Variants in PRDM5 observed in about 807,000 individuals in gnomAD.
The protein encoded by PRDM5 is PR domain zinc finger protein 5.
A neutral mutation model predicts 81.2 loss-of-function variants in PRDM5; 56 were observed. The observed-to-expected ratio is 0.69, with a 90% confidence interval of 0.56 to 0.86. PRDM5 has a LOEUF of 0.86. PRDM5 is among the 40% of genes least tolerant of loss of function. The pLI, the probability that PRDM5 is intolerant of heterozygous loss-of-function variation, is 0.00. For synonymous variants in PRDM5, 267 were observed against 256.4 expected, an observed-to-expected ratio of 1.04 and a Z score of -0.39; for missense variants, 697 against 770.1, an observed-to-expected ratio of 0.91 and a Z score of 1.12.
intron 10 of PRDM5, among the ~76,000 whole-genome samples, 195 bp downstream of exon 10, chr4:120,798,072 T>A (rs1185473672): frequency 6.6e-6 from 1 of 152,132 alleles, no homozygotes; most frequent in Non-Finnish European, 1.5e-5. Context: ...GGCACTCTGC[T>A]TATAAGGACA....
At chr4:120,764,342 T>A (rs2149188190) in intron 13 of PRDM5, among the ~76,000 whole-genome samples, 1 of 152,330 alleles carries the variant, frequency 6.6e-6, no homozygotes. Context: ...GTTCATAGCA[T>A]TATATTCCAG....
chr4:120,719,271 A>G (rs1483906408), intron 14 of PRDM5, among the ~76,000 whole-genome samples: 1 of 152,248 alleles, frequency 6.6e-6, no homozygotes, highest in Non-Finnish European at 1.5e-5. Context: ...CACTATAGAC[A>G]GTGCTTCTCA....
rs183629785 is a variant in PRDM5, at chr4:120,899,619, G to A, written c.177+7855C>T. Among the ~76,000 whole-genome samples, 13 of 152,268 alleles carry A rather than the reference G, an allele frequency of 8.5e-5. No homozygotes were observed. The East Asian group carries it at 2.3e-3, about 27-fold the overall frequency. On this transcript the variant is annotated intron_variant, in intron 2 of 15. Transcript: ENST00000264808. ...ACTCAGAACACTTCTACTACCACAT[G>A]TGGTAGGGTTTCCCCCATCACACAC... is the stretch of plus-strand genomic sequence containing the variant.
At chr4:120,685,980 T>G (rs1042037400) in intron 1 of PRDM5, among the ~76,000 whole-genome samples, 1 of 152,072 alleles carries the variant, frequency 6.6e-6, no homozygotes, top group Non-Finnish European at 1.5e-5. Context: ...ATCCCCTTAG[T>G]GTTCTCCTTG....
chr4:120,910,470 G>A (rs191270384), intron 1 of PRDM5, among the ~76,000 whole-genome samples: 1 of 152,236 alleles, frequency 6.6e-6, no homozygotes, highest in African/African-American at 2.4e-5. Context: ...GTTCACTGTT[G>A]TCTCTATCAT....
chr4:120,917,497 C>T (rs1384869963), intron 1 of PRDM5, among the ~76,000 whole-genome samples: 1 of 151,584 alleles, frequency 6.6e-6, no homozygotes, highest in Non-Finnish European at 1.5e-5. Context: ...CTTGTGTCTT[C>T]CCTCACTGGA....
At chr4:120,783,504 A>G (rs1422527428) in intron 11 of PRDM5, among the ~76,000 whole-genome samples, 2 of 152,080 alleles carry the variant, frequency 1.3e-5, no homozygotes, top group African/African-American at 4.8e-5. Context: ...TAGAAATAAA[A>G]TTTCATCATT....
intron 1 of PRDM5, among the ~76,000 whole-genome samples, chr4:120,909,521 A>C (rs972142488): frequency 6.6e-6 from 1 of 152,202 alleles, no homozygotes; most frequent in Non-Finnish European, 1.5e-5. Flanking sequence ...TTTAGCCTTT[A>C]TCAACTATTA....
chr4:120,855,148 A>G (rs544470274), intron 2 of PRDM5, among the ~76,000 whole-genome samples: 2 of 152,268 alleles, frequency 1.3e-5, no homozygotes, highest in South Asian at 4.1e-4. Flanking sequence ...ATATTTAAAG[A>G]TTCTCATATA....
chr4:120,848,164 T>C (rs1758864587), intron 3 of PRDM5, among the ~76,000 whole-genome samples: 1 of 152,262 alleles, frequency 6.6e-6, no homozygotes, highest in South Asian at 2.1e-4. Flanking sequence ...GCAGGTGCAA[T>C]GCTTTATAAT....
intron 12 of PRDM5, among the ~76,000 whole-genome samples, chr4:120,779,651 C>T (rs887793548): frequency 6.6e-6 from 1 of 152,062 alleles, no homozygotes; most frequent in Non-Finnish European, 1.5e-5. Context: ...CCTACAATCC[C>T]AGAACTTTGG....
At chr4:120,909,777 C>G (rs1365483718) in intron 1 of PRDM5, among the ~76,000 whole-genome samples, 1 of 152,138 alleles carries the variant, frequency 6.6e-6, no homozygotes, top group African/African-American at 2.4e-5. Flanking sequence ...AGACTTAAAG[C>G]TCTGAAAATT....
intron 14 of PRDM5, among the ~76,000 whole-genome samples, chr4:120,745,787 A>T (rs1184678818): frequency 1.4e-5 from 2 of 146,432 alleles, no homozygotes; most frequent in Admixed American, 1.3e-4. Context: ...AAAAGAGGAT[A>T]CAAACAAATG....
At chr4:120,771,785 T>C (rs1747336276) in intron 13 of PRDM5, among the ~76,000 whole-genome samples, 1 of 152,194 alleles carries the variant, frequency 6.6e-6, no homozygotes, top group African/African-American at 2.4e-5. Flanking sequence ...TAGGAGGTTA[T>C]GTCATTCAGT....
intron 15 of PRDM5, among the ~76,000 whole-genome samples, chr4:120,697,408 T>C (rs1165213287): frequency 6.6e-6 from 1 of 152,184 alleles, no homozygotes; most frequent in Non-Finnish European, 1.5e-5. Flanking sequence ...GAATCATATA[T>C]AAAAGTGAAA....
At chr4:120,721,112 C>A (rs1238655128) in intron 14 of PRDM5, among the ~76,000 whole-genome samples, 5 of 152,208 alleles carry the variant, frequency 3.3e-5, no homozygotes, top group African/African-American at 1.2e-4. Context: ...GTTAAAAGAG[C>A]TTATCTGGCA....
intron 2 of PRDM5, chr4:120,896,689 AT>A (rs1336665934): frequency 2.0e-4 from 24 of 121,970 alleles, no homozygotes; most frequent in African/African-American, 8.5e-4. Context: ...ACACACACAC[AT>A]AATTTTTTTT....
At chr4:120,741,756 T>C (rs996973784) in intron 14 of PRDM5, among the ~76,000 whole-genome samples, 3 of 152,048 alleles carry the variant, frequency 2.0e-5, no homozygotes, top group Admixed American at 6.6e-5. Flanking sequence ...GATTATATCA[T>C]GCACCTGGCT....
chr4:120,808,465 A>G (rs141085404), intron 8 of PRDM5, among the ~76,000 whole-genome samples: 3,669 of 152,148 alleles, frequency 0.024, 58 homozygotes, highest in Non-Finnish European at 0.037. Context: ...GATACAGAGT[A>G]CCAATTGGTG....
Sources: allele counts gnomAD v4.1 joint callset (sites outside exome capture counted in the v4.1 genomes callset), GRCh38; gene constraint gnomAD v4.1.1; transcripts MANE v1.5; gene names NCBI Gene and HGNC (gene_info 2026-07-23, HGNC 2026-07-21).